The following GPC3 variants were observed in gnomAD, a reference collection of about 807,000 sequenced individuals.
GPC3 encodes the protein glypican 3.
Under a neutral mutation model 34.4 loss-of-function variants are expected in GPC3, and 3 were observed. The observed-to-expected ratio is 0.09, with a 90% confidence interval of 0.04 to 0.23. The LOEUF is 0.23. Among genes scored for constraint, GPC3 ranks in the 10% least tolerant of loss-of-function variants. GPC3 has a pLI of 1.00. For synonymous variants in GPC3, 177 were observed against 174.0 expected (o/e 1.02, Z -0.13); for missense variants, 351 against 445.6 (o/e 0.79, Z 1.91).
At position 133,926,815 on chromosome X, in the gene GPC3, C is replaced by T. The variant is rs751462820; in HGVS notation, c.337+26235G>A. On this transcript the variant is annotated intron_variant, in intron 2 of 7. Coordinates refer to ENST00000370818, the MANE Select transcript of GPC3 (RefSeq NM_004484.4). ...CCCTGCCACCGCCCCGGCAAATCGG[C>T]AAATTCAAGCCTGCAATATGACAGC... is the stretch of plus-strand genomic sequence containing the variant. 1.5e-3 allele frequency among the ~76,000 whole-genome samples: 156 copies of T among 101,974 alleles called. 1 individual carries two copies. Among genetic ancestry groups the T allele is most frequent in the Admixed American group, 6.4e-3 (58 of 9,096 alleles). The allele number at this position is 101,974 out of a possible 115,157, so 88.6% of individuals were successfully genotyped here. A position where few individuals can be genotyped will look rare whatever the true frequency, so the allele number is the denominator to read the frequency against.
chrX:133,762,737 G>A (rs186960478), intron 2 of GPC3: 1 of 394,633 alleles, frequency 2.5e-6, no homozygotes, highest in Non-Finnish European at 4.5e-6. Context: ...CCTGCCCACA[G>A]AGGGGTCCAT....
chrX:133,753,495 T>C lies in GPC3; in HGVS notation c.1019A>G (p.Lys340Arg), dbSNP rs1603240431. 8.3e-7 allele frequency: 1 copy of C among 1,208,369 alleles called. No individual in the cohort carries two copies. Among genetic ancestry groups the C allele is most frequent in the Non-Finnish European group, 1.1e-6 (1 of 892,334 alleles). The change falls in exon 3 of 8, where the codon AAG (lysine) becomes AGG (arginine). Residue 340 changes from lysine (K) to arginine (R), a missense_variant. By Grantham distance (26) the Lys-to-Arg change is conservative (BLOSUM62 2). Transcript: ENST00000370818. ...SIQYVQKNAG[K>R]LTTTIGKLCA... ...ACTGGTACTCACAGTGGTGGTCAGC[T>C]TTCCTGCATTCTTCTGGACATACTG...
intron 5 of GPC3, among the ~76,000 whole-genome samples, chrX:133,675,616 G>C (rs1163957114): frequency 1.8e-5 from 2 of 111,762 alleles, no homozygotes; most frequent in African/African-American, 6.5e-5. Flanking sequence ...GTGTGATGGA[G>C]ACTCTAAGCT....
At chrX:133,640,152 A>G (rs2070467099) in intron 6 of GPC3, among the ~76,000 whole-genome samples, 1 of 112,177 alleles carries the variant, frequency 8.9e-6, no homozygotes, top group Non-Finnish European at 1.9e-5. Context: ...ACAGTAAATC[A>G]GTGAGATGCT....
chrX:133,644,194 T>C (rs987528039), intron 6 of GPC3, among the ~76,000 whole-genome samples: 10 of 111,376 alleles, frequency 9.0e-5, no homozygotes, highest in African/African-American at 3.3e-4. Context: ...TAGATTGTCA[T>C]GTTCTTTCCT....
chrX:133,702,482 T>C (rs2071175531), intron 3 of GPC3, among the ~76,000 whole-genome samples: 1 of 111,289 alleles, frequency 9.0e-6, no homozygotes, highest in South Asian at 3.9e-4. Flanking sequence ...CACAGTAACT[T>C]GTCTACTTGC....
intron 2 of GPC3, among the ~76,000 whole-genome samples, chrX:133,952,002 T>C (rs1192443815): frequency 1.8e-5 from 2 of 111,272 alleles, no homozygotes; most frequent in African/African-American, 6.5e-5. Flanking sequence ...CGATCCTCTC[T>C]TGGTGAGGCA....
chrX:133,739,016 T>C (rs2071537902), intron 3 of GPC3, among the ~76,000 whole-genome samples: 1 of 111,987 alleles, frequency 8.9e-6, no homozygotes, highest in African/African-American at 3.3e-5. Context: ...TTGTTCTATT[T>C]ATCATCATTA....
chrX:133,677,755 G>T (rs1038828415), intron 5 of GPC3, among the ~76,000 whole-genome samples: 13 of 111,664 alleles, frequency 1.2e-4, no homozygotes, highest in African/African-American at 4.2e-4. Flanking sequence ...TCTTCCAGGG[G>T]ATGGCGCCTT....
intron 2 of GPC3, among the ~76,000 whole-genome samples, chrX:133,937,530 A>G (rs959590121): frequency 9.0e-6 from 1 of 110,879 alleles, no homozygotes; most frequent in African/African-American, 3.3e-5. Flanking sequence ...GTTTATCACC[A>G]GCATTGCTTT....
intron 2 of GPC3, among the ~76,000 whole-genome samples, chrX:133,788,541 C>T (rs2072130394): frequency 1.8e-5 from 2 of 110,095 alleles, no homozygotes; most frequent in Admixed American, 1.9e-4. Flanking sequence ...CCCCATCTCA[C>T]AAGATCACCA....
At chrX:133,595,553 C>A (rs1292501948) in intron 7 of GPC3, among the ~76,000 whole-genome samples, 5 of 111,142 alleles carry the variant, frequency 4.5e-5, no homozygotes, top group Admixed American at 2.9e-4. Flanking sequence ...TTTACTGAGA[C>A]AGACTCTGGC....
At chrX:133,778,838 C>T (rs1041767942) in intron 2 of GPC3, among the ~76,000 whole-genome samples, 2 of 111,743 alleles carry the variant, frequency 1.8e-5, no homozygotes, top group Non-Finnish European at 3.8e-5. Context: ...GCTACCCCAA[C>T]CAGAGTTGAA....
intron 2 of GPC3, chrX:133,763,830 A>G: frequency 2.6e-6 from 1 of 391,511 alleles, no homozygotes; most frequent in Non-Finnish European, 4.5e-6. Context: ...TGGGAATGTA[A>G]ATTAGTTCAG....
intron 4 of GPC3, among the ~76,000 whole-genome samples, chrX:133,693,391 A>C (rs895182518): frequency 8.9e-6 from 1 of 111,887 alleles, no homozygotes; most frequent in African/African-American, 3.2e-5. Context: ...AAATATTAAA[A>C]TATCTATGTA....
chrX:133,751,707 T>A (rs1185561368), intron 3 of GPC3, among the ~76,000 whole-genome samples: 1 of 112,032 alleles, frequency 8.9e-6, no homozygotes, highest in African/African-American at 3.3e-5. Context: ...GCAGTTGCAC[T>A]GTATAGATGC....
At chrX:133,552,168 G>A (rs2069439864) in intron 7 of GPC3, among the ~76,000 whole-genome samples, 1 of 112,350 alleles carries the variant, frequency 8.9e-6, no homozygotes, top group South Asian at 3.7e-4. Flanking sequence ...AGATGTCGGT[G>A]AAGGGATGCA....
chrX:133,791,679 C>T (rs1283651922), intron 2 of GPC3, among the ~76,000 whole-genome samples: 1 of 110,045 alleles, frequency 9.1e-6, no homozygotes, highest in Non-Finnish European at 1.9e-5. Context: ...GACCTAAACA[C>T]ATTCTAAATG....
chrX:133,616,145 TAA>T (rs750516112), intron 6 of GPC3, among the ~76,000 whole-genome samples: 238 of 112,113 alleles, frequency 2.1e-3, no homozygotes, highest in African/African-American at 7.4e-3. Context: ...TAGATAATTT[TAA>T]GTTATTCAGA....
Sources: gnomAD v4.1 joint callset for allele counts (sites outside exome capture counted in the v4.1 genomes callset) on GRCh38, gnomAD v4.1.1 for gene constraint, MANE v1.5 for transcripts, NCBI Gene and HGNC (gene_info 2026-07-23, HGNC 2026-07-21) for gene names.